The following ADAMTS17 variants were observed in gnomAD, a reference collection of about 807,000 sequenced individuals.
ADAMTS17 encodes the protein ADAM metallopeptidase with thrombospondin type 1 motif 17, also known as A disintegrin and metalloproteinase with thrombospondin motifs 17.
In ADAMTS17, 113 loss-of-function variants were observed where a neutral mutation model predicts 141.5. The observed-to-expected ratio is 0.80, with a 90% CI of 0.69 to 0.93. The LOEUF is 0.93. ADAMTS17 is among the 40% of genes least tolerant of loss of function. The probability of loss-of-function intolerance (pLI) is 0.00; values close to 1 mark genes in which losing one functional copy is unlikely to be tolerated. For synonymous variants in ADAMTS17, 768 were observed against 630.6 expected (o/e 1.22, Z -3.27); for missense variants, 1,659 against 1,517.9 (o/e 1.09, Z -1.54).
In ADAMTS17 at chr15:99,993,326, T is replaced by G; in HGVS notation, c.2797-126A>C. 7.1e-7 allele frequency: 1 copy of G among 1,406,500 alleles called. No homozygotes were observed. Among genetic ancestry groups the G allele is most frequent in the Non-Finnish European group, 9.9e-7 (1 of 1,007,854 alleles). 87.1% of individuals were successfully genotyped at this position (1,406,500 alleles called of 1,614,324 possible). A position where few individuals can be genotyped will look rare whatever the true frequency, so the allele number is the denominator to read the frequency against. On this transcript the variant is annotated intron_variant, in intron 19 of 21. Coordinates refer to ENST00000268070, the MANE Select transcript of ADAMTS17 (RefSeq NM_139057.4). This position sits in a 1 kb window ranked among gnomAD's most constrained non-coding sequence, Gnocchi z 4.3. ...ATACAAAGATGAAAACCCACACTTC[T>G]GTCCTCAAAAAGCTCCTGGTCTGCA...
At chr15:100,210,480 C>G (rs1461804678) in intron 7 of ADAMTS17, among the ~76,000 whole-genome samples, 2 of 152,106 alleles carry the variant, frequency 1.3e-5, no homozygotes, top group Non-Finnish European at 2.9e-5. Flanking sequence ...AACAACTCAT[C>G]CGAGGTCAAA....
At position 100,120,211 on chromosome 15, in the gene ADAMTS17, C is replaced by T. The variant is rs529803094; in HGVS notation, c.1722-3198G>A. Among the ~76,000 whole-genome samples, 9 of 152,300 alleles carry T rather than the reference C, an allele frequency of 5.9e-5. No homozygotes were observed. In the South Asian group the frequency reaches 1.9e-3, roughly 32 times the overall value. The stretch of plus-strand genomic sequence containing the variant: ...CACTGGCAAAAACTACCTGAAGAAA[C>T]TATTTTGAAACTCTGCAGTCTACTT... On this transcript the variant is annotated intron_variant, in intron 12 of 21. Coordinates refer to ENST00000268070, the MANE Select transcript of ADAMTS17 (RefSeq NM_139057.4).
intron 18 of ADAMTS17, among the ~76,000 whole-genome samples, chr15:100,033,829 C>A (rs2030431041): frequency 6.6e-6 from 1 of 152,158 alleles, no homozygotes; most frequent in South Asian, 2.1e-4. Flanking sequence ...CTTTTTGGGG[C>A]AAGTTCAGAT....
chr15:100,118,715 T>C (rs2037292835), intron 12 of ADAMTS17, among the ~76,000 whole-genome samples: 2 of 152,000 alleles, frequency 1.3e-5, no homozygotes, highest in African/African-American at 2.4e-5. Flanking sequence ...GAACACGGCA[T>C]GGAAGGAGCA....
chr15:100,219,084 G>A (rs1457461500), intron 7 of ADAMTS17, among the ~76,000 whole-genome samples: 2 of 152,192 alleles, frequency 1.3e-5, no homozygotes, highest in Non-Finnish European at 2.9e-5. Flanking sequence ...AAAATGAAAA[G>A]AGCCAGGCAC....
intron 2 of ADAMTS17, 78 bp from the exon 3 acceptor site, chr15:100,331,132 A>G: frequency 1.3e-6 from 2 of 1,567,084 alleles, no homozygotes; most frequent in Non-Finnish European, 1.7e-6. Context: ...AGGGGCAGGC[A>G]AGACCACCTT....
intron 7 of ADAMTS17, among the ~76,000 whole-genome samples, chr15:100,220,262 C>T (rs573966637): frequency 2.6e-5 from 4 of 152,240 alleles, no homozygotes; most frequent in South Asian, 2.1e-4. Flanking sequence ...TTCAGTAGCC[C>T]GAGATGTCAC....
intron 3 of ADAMTS17, among the ~76,000 whole-genome samples, chr15:100,312,076 C>T (rs2045423628): frequency 6.6e-6 from 1 of 152,218 alleles, no homozygotes; most frequent in Admixed American, 6.5e-5. Flanking sequence ...AGCTCATGGC[C>T]TCCCAACACC....
chr15:100,341,530 T>G, intron 1 of ADAMTS17, 121 bp from the exon 2 acceptor site: 2 of 936,064 alleles, frequency 2.1e-6, no homozygotes, highest in South Asian at 5.0e-5. Flanking sequence ...TGCCTTCCCT[T>G]CCCTCGCCCG....
chr15:100,226,184 T>G (rs955161884), intron 7 of ADAMTS17, among the ~76,000 whole-genome samples: 2 of 152,250 alleles, frequency 1.3e-5, no homozygotes, highest in Admixed American at 1.3e-4. Flanking sequence ...CTCTGTGCCA[T>G]TCCGTCCTCA....
intron 4 of ADAMTS17, among the ~76,000 whole-genome samples, chr15:100,273,839 G>C (rs1263621053): frequency 6.6e-6 from 1 of 152,066 alleles, no homozygotes; most frequent in Non-Finnish European, 1.5e-5. Context: ...TTCCCCCTAA[G>C]CAGTGCTTTG....
At position 99,993,980 on chromosome 15, in the gene ADAMTS17, C is replaced by T. The variant is rs1221335177; in HGVS notation, c.2797-780G>A. Among the ~76,000 whole-genome samples the T allele has an allele frequency of 3.9e-5, 6 of 152,094 alleles. No individual in the cohort carries two copies. The highest frequency in any genetic ancestry group is 7.2e-5 in the African/African-American group (3 of 41,412). The stretch of plus-strand genomic sequence containing the variant: ...AGAGGCAGGGGGCATGACAGGGTGT[C>T]AACACAGCAGACAGGCACTCTGGAG... On this transcript the variant is annotated intron_variant, in intron 19 of 21. Transcript: ENST00000268070. This position sits in a 1 kb window ranked among gnomAD's most constrained non-coding sequence, Gnocchi z 4.3.
rs1183990498 is a variant in ADAMTS17 at position 100,254,166 on chromosome 15, C to T, written c.1045G>A (p.Val349Ile). ...AVFVTRTDFC[V>I]HKDEPCDTVG... The stretch of plus-strand genomic sequence containing the variant: ...GTGTCACACGGTTCATCCTTGTGTA[C>T]ACAGAAATCTGTCCTAAAAAATAAA... The change falls in exon 7 of 22, where the codon GTA becomes ATA. Residue 349 changes from valine (V) to isoleucine (I), a missense_variant. Val to Ile is a conservative substitution (Grantham distance 29). Coordinates refer to ENST00000268070, the MANE Select transcript of ADAMTS17 (RefSeq NM_139057.4). The T allele has an allele frequency of 1.2e-5, 19 of 1,613,206 alleles. No individual in the cohort carries two copies. Among genetic ancestry groups the T allele is most frequent in the Non-Finnish European group, 1.6e-5 (19 of 1,179,324 alleles).
Position 100,169,013 on chromosome 15 carries a change from T to C in ADAMTS17, c.1182-13693A>G, listed in dbSNP as rs200250652. Among the ~76,000 whole-genome samples the C allele has an allele frequency of 8.3e-4, 126 of 152,118 alleles. 1 individual carries two copies. The highest frequency in any genetic ancestry group is 3.0e-3 in the African/African-American group (123 of 41,470). On this transcript the variant is annotated intron_variant, in intron 8 of 21. Coordinates refer to ENST00000268070, the MANE Select transcript of ADAMTS17 (RefSeq NM_139057.4). Reference sequence around the variant, plus strand: ...ATCGTGGTGGCCAGCGCGGTGGTGGTGGGGGCAGGCACGGTAAAACTGACG... The same window carrying C: ...ATCGTGGTGGCCAGCGCGGTGGTGGCGGGGGCAGGCACGGTAAAACTGACG...
intron 8 of ADAMTS17, among the ~76,000 whole-genome samples, chr15:100,168,161 A>C (rs2040022100): frequency 6.6e-6 from 1 of 152,156 alleles, no homozygotes; most frequent in Non-Finnish European, 1.5e-5. Context: ...GAGGGCTCCG[A>C]GGATGCAGCT....
chr15:100,212,334 C>T (rs979294384), intron 7 of ADAMTS17, among the ~76,000 whole-genome samples: 4 of 152,104 alleles, frequency 2.6e-5, no homozygotes, highest in Non-Finnish European at 5.9e-5. Context: ...ACAGTCAGGC[C>T]CGTGCATAAC....
At chr15:100,118,471 G>A (rs983445792) in intron 12 of ADAMTS17, among the ~76,000 whole-genome samples, 1 of 152,228 alleles carries the variant, frequency 6.6e-6, no homozygotes, top group South Asian at 2.1e-4. Flanking sequence ...CCATAGTGGG[G>A]CCTTGAGCTC....
chr15:100,233,403 A>C (rs28525502), intron 7 of ADAMTS17, among the ~76,000 whole-genome samples: 24,721 of 152,072 alleles, frequency 0.16, 2,677 homozygotes, highest in African/African-American at 0.3. Context: ...GATGGTCAAC[A>C]GGAGTCACAA....
At chr15:100,099,139 T>G (rs1489751589) in intron 14 of ADAMTS17, among the ~76,000 whole-genome samples, 1 of 152,188 alleles carries the variant, frequency 6.6e-6, no homozygotes, top group Non-Finnish European at 1.5e-5. Flanking sequence ...CAGGAATGCA[T>G]ACAGCGTTGC....
Sources: allele counts gnomAD v4.1 joint callset (sites outside exome capture counted in the v4.1 genomes callset), GRCh38; gene constraint gnomAD v4.1.1; non-coding constraint Gnocchi (gnomAD v3.1); transcripts MANE v1.5; gene names NCBI Gene and HGNC (gene_info 2026-07-23, HGNC 2026-07-21).